The following KIAA1217 variants were observed in gnomAD, a reference collection of about 807,000 sequenced individuals.
KIAA1217 encodes KIAA1217.
In KIAA1217, 88 loss-of-function variants were observed where a neutral mutation model predicts 163.9. The observed-to-expected ratio is 0.54, with a 90% CI of 0.45 to 0.64. The LOEUF is 0.64. KIAA1217 is among the 30% of genes least tolerant of loss of function. The pLI, the probability that KIAA1217 is intolerant of heterozygous loss-of-function variation, is 0.00. For missense variants in KIAA1217, 2,372 were observed against 2,475.0 expected, an observed-to-expected ratio of 0.96 and a Z score of 0.88; for synonymous variants, 903 against 923.1, an observed-to-expected ratio of 0.98 and a Z score of 0.39.
chr10:24,082,473 C>T (rs1030400441), intron 2 of KIAA1217, among the ~76,000 whole-genome samples: 1 of 152,158 alleles, frequency 6.6e-6, no homozygotes, highest in South Asian at 2.1e-4. Context: ...TCAGCTCCCA[C>T]TTATAAGTGA....
At chr10:24,539,942 C>G (rs1263365646) in intron 17 of KIAA1217, among the ~76,000 whole-genome samples, 1 of 152,102 alleles carries the variant, frequency 6.6e-6, no homozygotes, top group East Asian at 1.9e-4. Context: ...TTCCAGTTGT[C>G]TTCATAATCC....
chr10:24,204,638 G>A (rs923546471), upstream of KIAA1217, among the ~76,000 whole-genome samples: 4 of 152,256 alleles, frequency 2.6e-5, no homozygotes, highest in African/African-American at 4.8e-5. Flanking sequence ...AGGGACAGTC[G>A]TGGTGTCTTA....
chr10:24,103,631 A>C (rs2131723986), intron 2 of KIAA1217, among the ~76,000 whole-genome samples: 1 of 152,256 alleles, frequency 6.6e-6, no homozygotes, highest in East Asian at 1.9e-4. Context: ...GATAGAAAAA[A>C]AGCATATGAA....
intron 3 of KIAA1217, among the ~76,000 whole-genome samples, chr10:24,405,381 G>A (rs2057095729): frequency 6.6e-6 from 1 of 152,180 alleles, no homozygotes; most frequent in African/African-American, 2.4e-5. Flanking sequence ...AAGTAATGGT[G>A]AGAAAATAAA....
At chr10:23,819,870 T>C (rs1367371381) in intron 1 of KIAA1217, among the ~76,000 whole-genome samples, 1 of 152,144 alleles carries the variant, frequency 6.6e-6, no homozygotes, top group East Asian at 1.9e-4. Flanking sequence ...AGCGCTATGC[T>C]CTTGAATAAG....
intron 2 of KIAA1217, among the ~76,000 whole-genome samples, chr10:24,332,712 C>T (rs1007654117): frequency 4.6e-5 from 7 of 152,030 alleles, no homozygotes; most frequent in African/African-American, 1.4e-4. Context: ...GGGGCTGCCT[C>T]ATTGGAGCAC....
intron 9 of KIAA1217, among the ~76,000 whole-genome samples, chr10:24,507,041 G>C (rs1335093463): frequency 1.3e-5 from 2 of 152,216 alleles, no homozygotes; most frequent in African/African-American, 4.8e-5. Context: ...AAAGCAAAAA[G>C]CGAAGAGGCC....
intron 2 of KIAA1217, among the ~76,000 whole-genome samples, chr10:24,133,516 G>A (rs1431591468): frequency 6.6e-6 from 1 of 151,138 alleles, no homozygotes; most frequent in African/African-American, 2.4e-5. Context: ...AGGTTGCAGT[G>A]AGCCAAGACT....
chr10:23,881,602 C>A (rs949701745), intron 1 of KIAA1217, among the ~76,000 whole-genome samples: 1 of 151,982 alleles, frequency 6.6e-6, no homozygotes, highest in Non-Finnish European at 1.5e-5. Flanking sequence ...TTATGTAAGA[C>A]TAATGCCAGA....
chr10:24,188,990 C>G (rs2066580136), intron 2 of KIAA1217, among the ~76,000 whole-genome samples: 1 of 151,506 alleles, frequency 6.6e-6, no homozygotes, highest in Non-Finnish European at 1.5e-5. Flanking sequence ...CCTGTAGTCC[C>G]AGCTACTCTG....
Position 24,475,781 on chromosome 10 carries a change from G to T in KIAA1217, c.1679+1721G>T, listed in dbSNP as rs139421976. ...AACAGACCAATGTGACATCTGGAGA[G>T]GAATCTACCAAGATGTGCGATAAGT... On this transcript the variant is annotated intron_variant, in intron 6 of 20. Transcript: ENST00000376454. Among the ~76,000 whole-genome samples the T allele has an allele frequency of 5.3e-5, 8 of 152,306 alleles. No individual in the cohort carries two copies. In the East Asian group the frequency reaches 1.4e-3, roughly 26 times the overall value.
At chr10:24,327,856 C>A (rs1326727553) in intron 2 of KIAA1217, among the ~76,000 whole-genome samples, 1 of 152,100 alleles carries the variant, frequency 6.6e-6, no homozygotes, top group South Asian at 2.1e-4. Context: ...TAACAAATGG[C>A]AGAGCCAAGA....
intron 1 of KIAA1217, among the ~76,000 whole-genome samples, chr10:23,904,641 T>A (rs1842079158): frequency 6.6e-6 from 1 of 152,090 alleles, no homozygotes; most frequent in Admixed American, 6.6e-5. Context: ...CACCTGGAAG[T>A]GACACAAGCC....
Position 24,494,738 on chromosome 10 carries a change from TG to T in KIAA1217, c.1784+137del, listed in dbSNP as rs2066561691. ...AAAATATTCACATCTCTATGGATCATGGGCGTTATTTTTTTGTTTTGGGGGG... is the reference window on the plus strand; with the variant it reads ...AAAATATTCACATCTCTATGGATCATGGCGTTATTTTTTTGTTTTGGGGGG... On this transcript the variant is annotated intron_variant, in intron 7 of 20. Transcript: ENST00000376454. 4.3e-6 allele frequency: 3 copies of T among 699,678 alleles called. No individual in the cohort carries two copies. In the Admixed American group the frequency reaches 9.4e-5, roughly 22 times the overall value. 43.3% of individuals were successfully genotyped at this position (699,678 alleles called of 1,614,324 possible). A position where few individuals can be genotyped will look rare whatever the true frequency, so the allele number is the denominator to read the frequency against.
chr10:23,869,124 G>GTTGTTT, intron 1 of KIAA1217, among the ~76,000 whole-genome samples: 1 of 31,724 alleles, frequency 3.2e-5, no homozygotes, highest in Non-Finnish European at 6.3e-5. Flanking sequence ...ATGAAATGTA[G>GTTGTTT]TTTTTTTTTT....
intron 1 of KIAA1217, among the ~76,000 whole-genome samples, chr10:23,887,445 G>A (rs1045691579): frequency 1.3e-5 from 2 of 151,856 alleles, no homozygotes; most frequent in African/African-American, 4.8e-5. Context: ...ATTAGGCTAA[G>A]TTAGAATCTG....
rs564233924 is a variant in KIAA1217 at position 24,512,446 on chromosome 10, A to G, written c.2002-813A>G. ...TCCTGCTCCAGGGACTCAAGTGCTC[A>G]ACCAGACTCCTGCGAAGCCTGAATA... On this transcript the variant is annotated intron_variant, in intron 9 of 20. Transcript: ENST00000376454. 3.9e-5 allele frequency among the ~76,000 whole-genome samples: 6 copies of G among 152,286 alleles called. No individual in the cohort carries two copies. In the East Asian group the frequency reaches 9.7e-4, roughly 25 times the overall value.
chr10:24,520,657 T>A (rs1446659705), intron 11 of KIAA1217, among the ~76,000 whole-genome samples: 1,221 of 78,820 alleles, frequency 0.015, 33 homozygotes, highest in African/African-American at 0.064. Flanking sequence ...AAAAAATATA[T>A]ATATATATAT....
chr10:23,867,710 T>C (rs1564491287), intron 1 of KIAA1217, among the ~76,000 whole-genome samples: 1 of 152,182 alleles, frequency 6.6e-6, no homozygotes, highest in Non-Finnish European at 1.5e-5. Flanking sequence ...TTGTTTTTTT[T>C]CTTGTAAATT....
Sources: gnomAD v4.1 joint callset for allele counts (sites outside exome capture counted in the v4.1 genomes callset) on GRCh38, gnomAD v4.1.1 for gene constraint, MANE v1.5 for transcripts, NCBI Gene and HGNC (gene_info 2026-07-23, HGNC 2026-07-21) for gene names.